IFNLR1: variants seen among roughly 807,000 people sequenced by gnomAD.
The protein encoded by IFNLR1 is interferon lambda receptor 1.
IFNLR1 carries 28 observed loss-of-function variants against 52.5 expected under a neutral mutation model. The ratio of observed to expected loss-of-function variants is 0.53; its 90% CI spans 0.40 to 0.73. IFNLR1 has a LOEUF of 0.73. Ranked by LOEUF, IFNLR1 falls within the 30% of genes least tolerant of loss-of-function variation. The pLI is 0.00. For synonymous variants in IFNLR1, 276 were observed against 274.9 expected (o/e 1.00, Z -0.04); for missense variants, 623 against 659.1 (o/e 0.95, Z 0.60).
At chr1:24,158,959 CTT>C (rs1644410000) in intron 6 of IFNLR1, 91 bp downstream of exon 6, 3 of 1,319,416 alleles carry the variant, frequency 2.3e-6, no homozygotes, top group Admixed American at 4.3e-5. Context: ...TCTGGACCAT[CTT>C]GATATTCTAT....
At chr1:24,170,564 C>T (rs1327756312) in intron 2 of IFNLR1, among the ~76,000 whole-genome samples, 1 of 152,048 alleles carries the variant, frequency 6.6e-6, no homozygotes, top group Non-Finnish European at 1.5e-5. Flanking sequence ...TTCACCATGT[C>T]GGCCAGGCTG....
chr1:24,165,843 C>T (rs777792493), intron 3 of IFNLR1, among the ~76,000 whole-genome samples: 89 of 152,220 alleles, frequency 5.8e-4, no homozygotes, highest in Admixed American at 1.1e-3. Flanking sequence ...ATGAGGCCTC[C>T]TTGTATCCTG....
At chr1:24,182,355 T>C (rs1007756811) in intron 1 of IFNLR1, among the ~76,000 whole-genome samples, 1 of 152,224 alleles carries the variant, frequency 6.6e-6, no homozygotes, top group Non-Finnish European at 1.5e-5. Context: ...CCAAGGTGGA[T>C]GATCACTAAA....
At chr1:24,170,997 G>C (rs1644573240) in intron 2 of IFNLR1, among the ~76,000 whole-genome samples, 1 of 152,190 alleles carries the variant, frequency 6.6e-6, no homozygotes. Context: ...AAAGGAACCA[G>C]TGTAGTTATA....
At chr1:24,184,394 C>G (rs1038334488) in intron 1 of IFNLR1, among the ~76,000 whole-genome samples, 4 of 152,190 alleles carry the variant, frequency 2.6e-5, no homozygotes, top group African/African-American at 9.7e-5. Flanking sequence ...CACCACTCCC[C>G]AGTTTCATGC....
chr1:24,159,241 C>G, intron 5 of IFNLR1, 59 bp from the exon 6 acceptor site: 2 of 1,590,868 alleles, frequency 1.3e-6, no homozygotes, highest in Non-Finnish European at 1.7e-6. Flanking sequence ...ACAACTGCAC[C>G]TGTGCCGAGT....
intron 1 of IFNLR1, among the ~76,000 whole-genome samples, chr1:24,184,748 G>A (rs1395245223): frequency 1.3e-5 from 2 of 152,186 alleles, no homozygotes; most frequent in Admixed American, 6.5e-5. Flanking sequence ...GCCGGGCATG[G>A]TAACTCACCC....
chr1:24,183,553 C>T (rs1360788379), intron 1 of IFNLR1, among the ~76,000 whole-genome samples: 1 of 152,202 alleles, frequency 6.6e-6, no homozygotes, highest in Non-Finnish European at 1.5e-5. Context: ...GCACTTCAGT[C>T]TGGCCAACAG....
At chr1:24,168,275 C>T (rs1486412377) in intron 3 of IFNLR1, among the ~76,000 whole-genome samples, 1 of 152,026 alleles carries the variant, frequency 6.6e-6, no homozygotes, top group Non-Finnish European at 1.5e-5. Context: ...CCTTCTCTAC[C>T]ATCTCTTCCT....
intron 1 of IFNLR1, among the ~76,000 whole-genome samples, chr1:24,182,279 G>T (rs191090054): frequency 4.3e-4 from 65 of 151,894 alleles, no homozygotes; most frequent in African/African-American, 1.6e-3. Context: ...ATTCATTAGG[G>T]CAGGCTTGCC....
chr1:24,159,844 A>T (rs1261774182), intron 4 of IFNLR1, among the ~76,000 whole-genome samples: 1 of 151,614 alleles, frequency 6.6e-6, no homozygotes, highest in Non-Finnish European at 1.5e-5. Flanking sequence ...CCTGGGCTCA[A>T]GCGATCCTCC....
chr1:24,159,726 G>GTTTTGTTTTTTTTTGTT (rs1553161946), intron 4 of IFNLR1, 93 bp from the exon 5 acceptor site: 2 of 762,686 alleles, frequency 2.6e-6, no homozygotes, highest in South Asian at 2.1e-5. Context: ...ATGGTAGGGT[G>GTTTTGTTTTTTTTTGTT]TTTTTTTTTT....
chr1:24,158,962 G>C, intron 6 of IFNLR1, 90 bp downstream of exon 6: 1 of 1,333,654 alleles, frequency 7.5e-7, no homozygotes, highest in African/African-American at 1.5e-5. Context: ...GGACCATCTT[G>C]ATATTCTATC....
At chr1:24,159,736 TG>T (rs373570204) in intron 4 of IFNLR1, 103 bp from the exon 5 acceptor site, 89 of 630,716 alleles carry the variant, frequency 1.4e-4, no homozygotes, top group Middle Eastern at 4.3e-4. Flanking sequence ...GTTTTTTTTT[TG>T]TTTTTTTTTT....
At chr1:24,173,188 G>GA (rs550811845) in intron 2 of IFNLR1, among the ~76,000 whole-genome samples, 1 of 148,302 alleles carries the variant, frequency 6.7e-6, no homozygotes, top group Non-Finnish European at 1.5e-5. Flanking sequence ...AGCCACTGGG[G>GA]AAAAAAATCA....
chr1:24,166,339 C>G (rs898454160), intron 3 of IFNLR1, among the ~76,000 whole-genome samples: 4 of 152,022 alleles, frequency 2.6e-5, no homozygotes, highest in Non-Finnish European at 5.9e-5. Flanking sequence ...GCCTTCTAAC[C>G]TACTCATCCA....
At chr1:24,174,520 G>A (rs1402922005) in intron 2 of IFNLR1, among the ~76,000 whole-genome samples, 2 of 152,188 alleles carry the variant, frequency 1.3e-5, no homozygotes, top group African/African-American at 2.4e-5. Flanking sequence ...GTCTCAGGTG[G>A]AAAAGAGGAA....
At chr1:24,160,500 A>G (rs1281793192) in intron 4 of IFNLR1, among the ~76,000 whole-genome samples, 1 of 152,238 alleles carries the variant, frequency 6.6e-6, no homozygotes, top group Non-Finnish European at 1.5e-5. Context: ...GGAACACTTA[A>G]AACTGCACAT....
chr1:24,183,232 T>C (rs941971875), intron 1 of IFNLR1, among the ~76,000 whole-genome samples: 2 of 152,066 alleles, frequency 1.3e-5, no homozygotes, highest in Non-Finnish European at 2.9e-5. Context: ...CTCATTTTGA[T>C]TTACAGAAGA....
Sources: allele counts gnomAD v4.1 joint callset (sites outside exome capture counted in the v4.1 genomes callset), GRCh38; gene constraint gnomAD v4.1.1; transcripts MANE v1.5; gene names NCBI Gene and HGNC (gene_info 2026-07-23, HGNC 2026-07-21).